The following LIPC variants were observed in gnomAD, a reference collection of about 807,000 sequenced individuals.
LIPC encodes the protein hepatic triacylglycerol lipase.
LIPC carries 44 observed loss-of-function variants against 50.7 expected under a neutral mutation model. That is an observed-to-expected ratio of 0.87 (90% CI 0.68 to 1.11). LIPC has a LOEUF of 1.11. Ranked by LOEUF, LIPC falls within the 50% of genes most tolerant of loss-of-function variation. The pLI is 0.00. For synonymous variants in LIPC, 271 were observed against 256.4 expected (o/e 1.06, Z -0.54); for missense variants, 697 against 648.2 (o/e 1.08, Z -0.82).
intron 1 of LIPC, among the ~76,000 whole-genome samples, chr15:58,433,478 GCTT>G (rs1893189760): frequency 6.6e-6 from 1 of 152,132 alleles, no homozygotes; most frequent in Non-Finnish European, 1.5e-5. Context: ...TTTGCGTCTG[GCTT>G]CTTTCGTTCG....
intron 1 of LIPC, among the ~76,000 whole-genome samples, chr15:58,507,319 A>C (rs1477589657): frequency 6.6e-6 from 1 of 151,984 alleles, no homozygotes; most frequent in Non-Finnish European, 1.5e-5. Flanking sequence ...AGGAAGAAAA[A>C]AATGGAGGGA....
chr15:58,466,639 A>C (rs1894574882), intron 1 of LIPC, among the ~76,000 whole-genome samples: 1 of 152,228 alleles, frequency 6.6e-6, no homozygotes, highest in Admixed American at 6.5e-5. Flanking sequence ...GGTCAGAGGC[A>C]ACCACTTTCT....
intron 1 of LIPC, among the ~76,000 whole-genome samples, chr15:58,478,538 C>T (rs547445163): frequency 5.4e-4 from 83 of 152,302 alleles, no homozygotes; most frequent in Non-Finnish European, 9.1e-4. Flanking sequence ...CTGCGCCCAG[C>T]CAGCTCACTC....
chr15:58,449,652 G>A (rs753834859), intron 1 of LIPC, among the ~76,000 whole-genome samples: 47 of 151,674 alleles, frequency 3.1e-4, no homozygotes, highest in Non-Finnish European at 6.2e-4. Flanking sequence ...AGCTTCTCCT[G>A]CCTCAGCCTC....
chr15:58,513,458 G>A (rs1323693638), intron 1 of LIPC, among the ~76,000 whole-genome samples: 3 of 152,128 alleles, frequency 2.0e-5, no homozygotes, highest in Admixed American at 6.5e-5. Context: ...AAAGCAAACC[G>A]TTGCTCTGGG....
chr15:58,506,636 G>A (rs1892157550), intron 1 of LIPC, among the ~76,000 whole-genome samples: 2 of 152,194 alleles, frequency 1.3e-5, no homozygotes, highest in African/African-American at 4.8e-5. Flanking sequence ...ACTGCTGAGA[G>A]GCTCCCCTAA....
intron 1 of LIPC, 110 bp downstream of exon 1, chr15:58,432,230 C>T (rs1893148346): frequency 1.2e-6 from 1 of 848,180 alleles, no homozygotes; most frequent in South Asian, 1.3e-5. Context: ...TGCTTCAGAG[C>T]GTGCCAGGTG....
chr15:58,445,106 G>C (rs779786117), intron 1 of LIPC, among the ~76,000 whole-genome samples: 22 of 152,228 alleles, frequency 1.4e-4, no homozygotes, highest in African/African-American at 1.7e-4. Flanking sequence ...GATGGGGAGT[G>C]GGGGCTCAGG....
At position 58,548,336 on chromosome 15, in the gene LIPC, C is replaced by A; in HGVS notation, c.815C>A (p.Thr272Asn). 3 of 1,614,092 alleles carry A rather than the reference C, an allele frequency of 1.9e-6. No individual in the cohort carries two copies. Among genetic ancestry groups the A allele is most frequent in the African/African-American group, 1.3e-5 (1 of 75,052 alleles). The change falls in exon 6 of 9, where the codon ACC becomes AAC. Residue 272 changes from threonine to asparagine, a missense_variant. Transcript: ENST00000299022. ...HIAQHGFNAITQTIKCSHERS... is the reference protein window; with the variant it reads ...HIAQHGFNAINQTIKCSHERS... ...TTCTTGCCCTGTGTTCCAGCCATCA[C>A]CCAGACCATAAAATGCTCCCACGAG...
Position 58,538,503 on chromosome 15 carries a change from A to G in LIPC, c.259A>G (p.Ile87Val), listed in dbSNP as rs767154924. The change falls in exon 2 of 9, where the codon ATC (isoleucine) becomes GTC (valine). Residue 87 changes from isoleucine to valine, a missense_variant. Physicochemically the swap from Ile to Val is conservative, Grantham distance 29. Coordinates refer to ENST00000299022, the MANE Select transcript of LIPC (RefSeq NM_000236.3). Reference sequence around the variant, plus strand: ...CTCCTCCCTGCCTCTGGTGATGATAATCCACGGGTGGTCGGTAGGAAATGC... The same window carrying G: ...CTCCTCCCTGCCTCTGGTGATGATAGTCCACGGGTGGTCGGTAGGAAATGC... ...FNSSLPLVMI[I>V]HGWSVDGVLE... is the part of the protein sequence containing the mutation. The G allele has an allele frequency of 4.3e-6, 7 of 1,614,166 alleles. No individual in the cohort carries two copies. The East Asian group carries it at 1.6e-4, about 36-fold the overall frequency.
intron 8 of LIPC, among the ~76,000 whole-genome samples, chr15:58,564,866 A>G (rs991696081): frequency 6.6e-6 from 1 of 152,182 alleles, no homozygotes; most frequent in Admixed American, 6.5e-5. Flanking sequence ...TCTCCACGGC[A>G]GAATTCCAGG....
chr15:58,530,146 C>T (rs1892913915), intron 1 of LIPC, among the ~76,000 whole-genome samples: 1 of 152,212 alleles, frequency 6.6e-6, no homozygotes, highest in South Asian at 2.1e-4. Flanking sequence ...CTGGGTGCAG[C>T]GACGCTGCAT....
Position 58,563,495 on chromosome 15 carries a change from T to A in LIPC, c.1170-10T>A. ...AACTGATTGTGTCTGATTTTCTTTG[T>A]GTATTCAAGGGGCAAAGGAATTGCT... On this transcript the variant is annotated splice_polypyrimidine_tract_variant and intron_variant, in intron 7 of 8. Transcript: ENST00000299022. 3.7e-6 allele frequency: 6 copies of A among 1,607,820 alleles called. No homozygotes were observed. In the East Asian group the frequency reaches 1.3e-4, roughly 36 times the overall value.
intron 1 of LIPC, among the ~76,000 whole-genome samples, chr15:58,458,576 AC>A (rs1401308264): frequency 6.6e-6 from 1 of 151,990 alleles, no homozygotes; most frequent in East Asian, 1.9e-4. Context: ...CCCACCTCTA[AC>A]CTTTTCCCAT....
chr15:58,493,050 T>A (rs1249960103), intron 1 of LIPC, among the ~76,000 whole-genome samples: 1 of 152,198 alleles, frequency 6.6e-6, no homozygotes, highest in East Asian at 1.9e-4. Context: ...ACTTTCTTGC[T>A]GTCATGAAGA....
At chr15:58,463,721 G>A (rs993255211) in intron 1 of LIPC, among the ~76,000 whole-genome samples, 1 of 152,076 alleles carries the variant, frequency 6.6e-6, no homozygotes, top group Non-Finnish European at 1.5e-5. Context: ...GGCGACCTAG[G>A]CATTGGGTCC....
chr15:58,477,532 C>A (rs1298809039), intron 1 of LIPC, among the ~76,000 whole-genome samples: 1 of 152,174 alleles, frequency 6.6e-6, no homozygotes, highest in African/African-American at 2.4e-5. Flanking sequence ...TTTGTCATGT[C>A]ATTTTAAAGG....
At chr15:58,566,084 C>A in intron 8 of LIPC, 1 of 976,544 alleles carries the variant, frequency 1.0e-6, no homozygotes, top group Non-Finnish European at 1.2e-6. Flanking sequence ...GCAGGTTCTG[C>A]TTTAGTGAGT....
chr15:58,456,122 C>T (rs1894105209), intron 1 of LIPC: 1 of 152,184 alleles, frequency 6.6e-6, no homozygotes, highest in Non-Finnish European at 1.5e-5. Flanking sequence ...GACAGGCACA[C>T]AGCATGAGCG....
Sources: gnomAD v4.1 joint callset for allele counts (sites outside exome capture counted in the v4.1 genomes callset) on GRCh38, gnomAD v4.1.1 for gene constraint, MANE v1.5 for transcripts, NCBI Gene and HGNC (gene_info 2026-07-23, HGNC 2026-07-21) for gene names.